Variants in COL25A1 observed in about 807,000 individuals in gnomAD.
The protein encoded by COL25A1 is collagen type XXV alpha 1 chain.
In COL25A1, 103 loss-of-function variants were observed where a neutral mutation model predicts 128.4. The ratio of observed to expected loss-of-function variants is 0.80; its 90% confidence interval spans 0.68 to 0.94. The LOEUF (loss-of-function observed/expected upper bound fraction) is 0.94. Ranked by LOEUF, COL25A1 falls within the 40% of genes least tolerant of loss-of-function variation. The pLI is 0.00. For missense variants in COL25A1, 745 were observed against 840.0 expected, an observed-to-expected ratio of 0.89 and a Z score of 1.40; for synonymous variants, 279 against 277.2, an observed-to-expected ratio of 1.01 and a Z score of -0.06.
In COL25A1 at chr4:108,812,463, T is replaced by C. The variant is rs1377388015; in HGVS notation, c.*1464A>G. ...AAAACTACTTAAAAATGCATAACTT[T>C]CATGCTTTACAATGATTAGACTGAA... is the stretch of plus-strand genomic sequence containing the variant. On this transcript the variant is annotated 3_prime_UTR_variant, in exon 38 of 38. Transcript: ENST00000399132. 1 of 152,196 alleles carries C rather than the reference T, an allele frequency of 6.6e-6. No individual in the cohort carries two copies. The highest frequency in any genetic ancestry group is 1.9e-4 in the East Asian group (1 of 5,188). 9.4% of individuals were successfully genotyped at this position (152,196 alleles called of 1,614,324 possible).
At chr4:109,059,181 G>A (rs985839978) in intron 3 of COL25A1, among the ~76,000 whole-genome samples, 2 of 152,098 alleles carry the variant, frequency 1.3e-5, no homozygotes, top group African/African-American at 4.8e-5. Flanking sequence ...CCTTGCACTG[G>A]GCTAAGCACT....
intron 3 of COL25A1, among the ~76,000 whole-genome samples, chr4:109,179,367 C>T (rs1274610223): frequency 6.6e-6 from 1 of 152,206 alleles, no homozygotes; most frequent in Non-Finnish European, 1.5e-5. Context: ...AGCCCTGTAC[C>T]GTTCAACTAT....
intron 13 of COL25A1, among the ~76,000 whole-genome samples, chr4:108,902,962 A>G (rs904311330): frequency 1.3e-5 from 2 of 151,968 alleles, no homozygotes; most frequent in African/African-American, 4.8e-5. Flanking sequence ...AAGCACTAAT[A>G]TCATAACTCA....
intron 24 of COL25A1, among the ~76,000 whole-genome samples, chr4:108,857,868 C>A (rs2125785472): frequency 6.6e-6 from 1 of 152,234 alleles, no homozygotes; most frequent in African/African-American, 2.4e-5. Context: ...AGCTTACAAT[C>A]TCATAAGAGG....
chr4:108,866,198 C>CT (rs35781275), intron 20 of COL25A1, among the ~76,000 whole-genome samples: 4,996 of 128,580 alleles, frequency 0.039, 143 homozygotes, highest in Non-Finnish European at 0.058. Flanking sequence ...TCTTTTCTTT[C>CT]TTTTTTTTTT....
At chr4:109,280,573 G>A (rs1308412429) in intron 3 of COL25A1, among the ~76,000 whole-genome samples, 1 of 152,102 alleles carries the variant, frequency 6.6e-6, no homozygotes, top group Admixed American at 6.5e-5. Flanking sequence ...AATATTAGAT[G>A]ACATTAGGAA....
At chr4:109,234,786 A>G (rs998131290) in intron 3 of COL25A1, among the ~76,000 whole-genome samples, 4 of 152,104 alleles carry the variant, frequency 2.6e-5, no homozygotes, top group Non-Finnish European at 4.4e-5. Flanking sequence ...TTGAATCTCT[A>G]TAAGAACAGC....
intron 3 of COL25A1, among the ~76,000 whole-genome samples, chr4:109,214,134 A>C (rs1223807033): frequency 1.3e-5 from 2 of 152,146 alleles, no homozygotes; most frequent in Non-Finnish European, 2.9e-5. Context: ...GTGATTATGA[A>C]AGGGAATAAA....
chr4:108,938,785 A>T (rs555798297), intron 10 of COL25A1, among the ~76,000 whole-genome samples: 1 of 152,176 alleles, frequency 6.6e-6, no homozygotes, highest in South Asian at 2.1e-4. Context: ...TGAACCCGGG[A>T]GGCAGAGGTT....
chr4:108,829,474 G>A lies in COL25A1; in HGVS notation c.1711-2286C>T, dbSNP rs759596807. Among the ~76,000 whole-genome samples the A allele has an allele frequency of 3.2e-4, 49 of 152,006 alleles. 1 individual carries two copies. Among genetic ancestry groups the A allele is most frequent in the South Asian group, 4.2e-4 (2 of 4,808 alleles). ...TGTGTGTGTGTGTGCGCCCACACAC[G>A]CACGTGTAGTGGGAGGTGAGAGTTT... is the stretch of plus-strand genomic sequence containing the variant. On this transcript the variant is annotated intron_variant, in intron 32 of 37. Coordinates refer to ENST00000399132, the MANE Select transcript of COL25A1 (RefSeq NM_198721.4).
At chr4:108,938,390 CA>C (rs1672835319) in intron 10 of COL25A1, among the ~76,000 whole-genome samples, 1 of 152,054 alleles carries the variant, frequency 6.6e-6, no homozygotes. Context: ...GCTGGTCTTT[CA>C]AAATAAGTAT....
In COL25A1 at chr4:108,860,954, T is replaced by C. The variant is rs2125791068; in HGVS notation, c.1215A>G (p.Lys405=). ...PKGSKGDRGE[K]GDSGAQGPRG... Reference sequence around the variant, plus strand: ...TTGGTCCCTGAGCTCCAGAGTCCCCTTTTTCTCCACGATCCCCCTTTTCCC... The same window carrying C: ...TTGGTCCCTGAGCTCCAGAGTCCCCCTTTTCTCCACGATCCCCCTTTTCCC... The change falls in exon 23 of 38, where the codon AAA becomes AAG. Residue 405 remains lysine (K), a synonymous_variant. Transcript: ENST00000399132. 6.2e-7 allele frequency: 1 copy of C among 1,612,764 alleles called. No homozygotes were observed.
At chr4:109,008,714 A>C (rs896030415) in intron 6 of COL25A1, among the ~76,000 whole-genome samples, 3 of 152,010 alleles carry the variant, frequency 2.0e-5, no homozygotes, top group Non-Finnish European at 4.4e-5. Context: ...TGAGTAATTT[A>C]TCTCTTCTGT....
chr4:108,947,817 C>T (rs1407850539), intron 8 of COL25A1, among the ~76,000 whole-genome samples: 3 of 152,016 alleles, frequency 2.0e-5, no homozygotes, highest in Non-Finnish European at 4.4e-5. Flanking sequence ...TTGATCAGCA[C>T]AAGGGAGTGT....
intron 32 of COL25A1, 100 bp downstream of exon 32, chr4:108,832,280 C>T (rs1733215214): frequency 1.3e-6 from 1 of 765,052 alleles, no homozygotes; most frequent in East Asian, 2.7e-5. Context: ...TATTAGATAG[C>T]CCTTTATTTC....
At chr4:108,906,782 G>T (rs1245409752) in intron 13 of COL25A1, among the ~76,000 whole-genome samples, 2 of 152,096 alleles carry the variant, frequency 1.3e-5, no homozygotes, top group African/African-American at 2.4e-5. Flanking sequence ...AGAGAACTTG[G>T]TCTATTTTGC....
In COL25A1 at chr4:109,076,690, C is replaced by T. The variant is rs559067794; in HGVS notation, c.368-26511G>A. Among the ~76,000 whole-genome samples, 9 of 151,944 alleles carry T rather than the reference C, an allele frequency of 5.9e-5. No homozygotes were observed. The East Asian group carries it at 7.7e-4, about 13-fold the overall frequency. On this transcript the variant is annotated intron_variant, in intron 3 of 37. Coordinates refer to ENST00000399132, the MANE Select transcript of COL25A1 (RefSeq NM_198721.4). The stretch of plus-strand genomic sequence containing the variant: ...TAGATAACAAAATAATTATACAACT[C>T]GCCATAATGTAGAATCAGTGGGAGC...
intron 19 of COL25A1, among the ~76,000 whole-genome samples, chr4:108,870,606 GA>G (rs1738594024): frequency 6.6e-6 from 1 of 151,992 alleles, no homozygotes; most frequent in South Asian, 2.1e-4. Context: ...GGCCTAAAAC[GA>G]AAATCTGAAC....
chr4:109,199,297 T>A (rs1700089031), intron 3 of COL25A1, among the ~76,000 whole-genome samples: 1 of 152,118 alleles, frequency 6.6e-6, no homozygotes, highest in South Asian at 2.1e-4. Context: ...GGTACAGAAT[T>A]GGAATTACAT....
Sources: gnomAD v4.1 joint callset for allele counts (sites outside exome capture counted in the v4.1 genomes callset) on GRCh38, gnomAD v4.1.1 for gene constraint, MANE v1.5 for transcripts, NCBI Gene and HGNC (gene_info 2026-07-23, HGNC 2026-07-21) for gene names.